MMP13: variants seen among roughly 807,000 people sequenced by gnomAD.
The protein encoded by MMP13 is matrix metallopeptidase 13.
In MMP13, 45 loss-of-function variants were observed where a neutral mutation model predicts 52.1. The ratio of observed to expected loss-of-function variants is 0.86; its 90% CI spans 0.68 to 1.11. The LOEUF is 1.11. MMP13 is among the 50% of genes least tolerant of loss of function. MMP13 has a pLI of 0.00. For missense variants in MMP13, 576 were observed against 583.8 expected (o/e 0.99, Z 0.14); for synonymous variants, 200 against 204.4 (o/e 0.98, Z 0.18).
In MMP13 at chr11:102,949,239, C is replaced by G. The variant is rs11824953; in HGVS notation, c.918-81G>C. 14,828 of 1,539,556 alleles carry G rather than the reference C, an allele frequency of 9.6e-3. 446 individuals are homozygous for G. The highest frequency in any genetic ancestry group is 0.08 in the East Asian group (3,437 of 42,784). On this transcript the variant is annotated intron_variant, in intron 6 of 9. Coordinates refer to ENST00000260302, the MANE Select transcript of MMP13 (RefSeq NM_002427.4). This position sits in a 1 kb window ranked among gnomAD's most constrained non-coding sequence, Gnocchi z 4.2. ...TCCTGCTAGTCACCTCTCTCCACAT[C>G]AACACAGACAAGTTAGATACAACCA...
Position 102,955,293 on chromosome 11 carries a change from G to C in MMP13, c.321C>G (p.Phe107Leu). The C allele has an allele frequency of 6.2e-7, 1 of 1,613,898 alleles. No individual in the cohort carries two copies. The change falls in exon 2 of 10, where the codon TTC becomes TTG. Residue 107 changes from phenylalanine to leucine, a missense_variant. Phe to Leu is a conservative substitution (Grantham distance 22). Coordinates refer to ENST00000260302, the MANE Select transcript of MMP13 (RefSeq NM_002427.4). The surrounding 1 kb of genome is among the most constrained non-coding windows in gnomAD (Gnocchi z 4.9). ...TTTTGGACCATTTAAGAGTTCGAGG[G>C]AAAACATTGTATTCACCCACATCAG... ...GVPDVGEYNV[F>L]PRTLKWSKMN...
rs549765413 is a variant in MMP13, at chr11:102,949,426, T to G, written c.918-268A>C. ...AGGTTGAAACAGTCTTGCTCAATTTTGGGTATCTTGCCAGGGGCAAGCAAA... is the reference window on the plus strand; with the variant it reads ...AGGTTGAAACAGTCTTGCTCAATTTGGGGTATCTTGCCAGGGGCAAGCAAA... On this transcript the variant is annotated intron_variant, in intron 6 of 9. Transcript: ENST00000260302. This position sits in a 1 kb window ranked among gnomAD's most constrained non-coding sequence, Gnocchi z 4.2. Among the ~76,000 whole-genome samples, 2 of 152,296 alleles carry G rather than the reference T, an allele frequency of 1.3e-5. No individual in the cohort carries two copies. Among genetic ancestry groups the G allele is most frequent in the South Asian group, 4.1e-4 (2 of 4,830 alleles).
At position 102,955,662 on chromosome 11, in the gene MMP13, G is replaced by C. The variant is rs1314708588; in HGVS notation, c.44C>G (p.Thr15Ser). The change falls in exon 1 of 10, where the codon ACT (threonine) becomes AGT (serine). Residue 15 changes from threonine to serine, a missense_variant. Thr to Ser is a moderately conservative substitution (Grantham distance 58). Transcript: ENST00000260302. This position sits in a 1 kb window ranked among gnomAD's most constrained non-coding sequence, Gnocchi z 4.9. ...VLAAFLFLSW[T>S]HCRALPLPSG... is the part of the protein sequence containing the mutation. ...GGGAAGGGGCAGGGCCCGACAATGAGTCCAGCTCAAGAAGAGGAAGGCAGC... is the reference window on the plus strand; with the variant it reads ...GGGAAGGGGCAGGGCCCGACAATGACTCCAGCTCAAGAAGAGGAAGGCAGC... 7 of 1,613,884 alleles carry C rather than the reference G, an allele frequency of 4.3e-6. No homozygotes were observed. The highest frequency in any genetic ancestry group is 5.9e-6 in the Non-Finnish European group (7 of 1,179,906).
At chr11:102,945,073 A>G (rs1426700112) in intron 9 of MMP13, 5 of 300,014 alleles carry the variant, frequency 1.7e-5, no homozygotes, top group African/African-American at 2.2e-5. Context: ...GCGAAACTCC[A>G]TCTCTACTAA....
intron 4 of MMP13, among the ~76,000 whole-genome samples, chr11:102,953,809 T>A (rs896243199): frequency 6.6e-6 from 1 of 152,212 alleles, no homozygotes; most frequent in African/African-American, 2.4e-5. Context: ...CTGGTAGTTT[T>A]TAGTTAGATA....
chr11:102,948,146 G>A, intron 7 of MMP13, 96 bp from the exon 8 acceptor site: 2 of 894,224 alleles, frequency 2.2e-6, no homozygotes, highest in South Asian at 1.6e-5. Flanking sequence ...CTTTTACATT[G>A]AGAAATATTA....
Position 102,950,099 on chromosome 11 carries a change from C to A in MMP13, c.917+11G>T, listed in dbSNP as rs781808044. 2 of 1,587,842 alleles carry A rather than the reference C, an allele frequency of 1.3e-6. No homozygotes were observed. The highest frequency in any genetic ancestry group is 3.3e-5 in the Admixed American group (2 of 59,966). ...TCGCATACAGACTTTATGAAAGAAT[C>A]TCAAGAGTACCTGTCTTTAAAGATC... On this transcript the variant is annotated intron_variant, in intron 6 of 9. Coordinates refer to ENST00000260302, the MANE Select transcript of MMP13 (RefSeq NM_002427.4).
In MMP13 at chr11:102,955,272, G is replaced by A. The variant is rs1860677589; in HGVS notation, c.342C>T (p.Ser114=). The A allele has an allele frequency of 6.2e-7, 1 of 1,613,634 alleles. No homozygotes were observed. Among genetic ancestry groups the A allele is most frequent in the Non-Finnish European group, 8.5e-7 (1 of 1,179,792 alleles). The change falls in exon 2 of 10, where the codon TCC becomes TCT. Residue 114 remains serine (S), a synonymous_variant. Transcript: ENST00000260302. This position sits in a 1 kb window ranked among gnomAD's most constrained non-coding sequence, Gnocchi z 4.9. The part of the protein sequence containing the change: ...YNVFPRTLKW[S]KMNLTYRIVN... ...TTTACCTGTAGGTTAAATTCATTTT[G>A]GACCATTTAAGAGTTCGAGGGAAAA...
At chr11:102,951,267 A>G (rs1371740941) in intron 5 of MMP13, among the ~76,000 whole-genome samples, 1 of 152,142 alleles carries the variant, frequency 6.6e-6, no homozygotes, top group East Asian at 1.9e-4. Context: ...TTGAAAGAGT[A>G]CTTGGAATTT....
Position 102,944,040 on chromosome 11 carries a change from G to T in MMP13, c.*226C>A. 2.0e-6 allele frequency: 1 copy of T among 489,974 alleles called. No homozygotes were observed. The allele number at this position is 489,974 out of a possible 1,614,324, so 30.4% of individuals were successfully genotyped here. ...AACCATTGCTTTTGTACAGCAACAA[G>T]AATCAGATGCTCTTTAGAGATCCTC... On this transcript the variant is annotated 3_prime_UTR_variant, in exon 10 of 10. Transcript: ENST00000260302.
Position 102,952,488 on chromosome 11 carries a change from G to A in MMP13, c.638-315C>T, listed in dbSNP as rs188324006. On this transcript the variant is annotated intron_variant, in intron 4 of 9. Coordinates refer to ENST00000260302, the MANE Select transcript of MMP13 (RefSeq NM_002427.4). The surrounding 1 kb of genome is among the most constrained non-coding windows in gnomAD (Gnocchi z 4.3). ...GAATACATTAGAACTCCTGATTTGCGCTTAGTATTCTCAGGTCAGGTGAGG... is the reference window on the plus strand; with the variant it reads ...GAATACATTAGAACTCCTGATTTGCACTTAGTATTCTCAGGTCAGGTGAGG... 4.6e-4 allele frequency among the ~76,000 whole-genome samples: 70 copies of A among 152,152 alleles called. No homozygotes were observed. The highest frequency in any genetic ancestry group is 1.5e-3 in the African/African-American group (64 of 41,508).
At position 102,955,520 on chromosome 11, in the gene MMP13, G is replaced by T; in HGVS notation, c.121-27C>A. 1 of 1,613,926 alleles carries T rather than the reference G, an allele frequency of 6.2e-7. No individual in the cohort carries two copies. Among genetic ancestry groups the T allele is most frequent in the South Asian group, 1.1e-5 (1 of 91,074 alleles). ...TAGAAAAGACACCAAAATGAACTGC[G>T]TTTAAAAGAGAAGGACATTTCTGAG... On this transcript the variant is annotated intron_variant, in intron 1 of 9. Coordinates refer to ENST00000260302, the MANE Select transcript of MMP13 (RefSeq NM_002427.4). The surrounding 1 kb of genome is among the most constrained non-coding windows in gnomAD (Gnocchi z 4.9).
In MMP13 at chr11:102,949,411, A is replaced by T. The variant is rs919770210; in HGVS notation, c.918-253T>A. On this transcript the variant is annotated intron_variant, in intron 6 of 9. Coordinates refer to ENST00000260302, the MANE Select transcript of MMP13 (RefSeq NM_002427.4). The surrounding 1 kb of genome is among the most constrained non-coding windows in gnomAD (Gnocchi z 4.2). ...CTCTGAGTTCTTTGCAGGTTGAAACAGTCTTGCTCAATTTTGGGTATCTTG... is the reference window on the plus strand; with the variant it reads ...CTCTGAGTTCTTTGCAGGTTGAAACTGTCTTGCTCAATTTTGGGTATCTTG... 2.6e-5 allele frequency among the ~76,000 whole-genome samples: 4 copies of T among 152,200 alleles called. No individual in the cohort carries two copies. The highest frequency in any genetic ancestry group is 4.4e-5 in the Non-Finnish European group (3 of 68,030).
At chr11:102,954,001 C>G (rs1186185440) in intron 4 of MMP13, among the ~76,000 whole-genome samples, 155 bp downstream of exon 4, 1 of 152,134 alleles carries the variant, frequency 6.6e-6, no homozygotes, top group Non-Finnish European at 1.5e-5. Context: ...AGAAATGTCA[C>G]TTGTAGAGAC....
At chr11:102,948,624 A>T in intron 7 of MMP13, among the ~76,000 whole-genome samples, 1 of 152,344 alleles carries the variant, frequency 6.6e-6, no homozygotes, top group East Asian at 1.9e-4. Context: ...GAAAATAAAT[A>T]TGTAAAAATT....
rs771778188 is a variant in MMP13 at position 102,955,689 on chromosome 11, A to G, written c.17T>C (p.Leu6Pro). MHPGV[L>P]AAFLFLSWTH... is the part of the protein sequence containing the mutation. Reference sequence around the variant, plus strand: ...CCAGCTCAAGAAGAGGAAGGCAGCCAGGACCCCTGGATGCATCTTGAATGG... The same window carrying G: ...CCAGCTCAAGAAGAGGAAGGCAGCCGGGACCCCTGGATGCATCTTGAATGG... The change falls in exon 1 of 10, where the codon CTG becomes CCG. Residue 6 changes from leucine to proline, a missense_variant. Leu to Pro is a moderately conservative substitution (Grantham distance 98, BLOSUM62 -3). Coordinates refer to ENST00000260302, the MANE Select transcript of MMP13 (RefSeq NM_002427.4). This position sits in a 1 kb window ranked among gnomAD's most constrained non-coding sequence, Gnocchi z 4.9. The G allele has an allele frequency of 1.2e-6, 2 of 1,613,874 alleles. No homozygotes were observed. The highest frequency in any genetic ancestry group is 1.7e-6 in the Non-Finnish European group (2 of 1,179,884).
In MMP13 at chr11:102,949,204, A is replaced by G. The variant is rs546152864; in HGVS notation, c.918-46T>C. ...AGTTTTCTGTCACATTTTTAAATGC[A>G]ATATTTCTATCCTGCTAGTCACCTC... is the stretch of plus-strand genomic sequence containing the variant. On this transcript the variant is annotated intron_variant, in intron 6 of 9. Transcript: ENST00000260302. This position sits in a 1 kb window ranked among gnomAD's most constrained non-coding sequence, Gnocchi z 4.2. 4 of 1,605,560 alleles carry G rather than the reference A, an allele frequency of 2.5e-6. No homozygotes were observed. Among genetic ancestry groups the G allele is most frequent in the Admixed American group, 3.3e-5 (2 of 59,708 alleles).
intron 8 of MMP13, 64 bp from the exon 9 acceptor site, chr11:102,945,813 CA>C: frequency 1.2e-6 from 1 of 810,952 alleles, no homozygotes; most frequent in Admixed American, 2.1e-5. Flanking sequence ...AGAAATAATA[CA>C]ATAGATACAA....
At chr11:102,950,567 C>A (rs1860595201) in intron 5 of MMP13, among the ~76,000 whole-genome samples, 1 of 152,144 alleles carries the variant, frequency 6.6e-6, no homozygotes, top group South Asian at 2.1e-4. Context: ...AAACTAGATT[C>A]CCCTTAAAGC....
Sources: allele counts gnomAD v4.1 joint callset (sites outside exome capture counted in the v4.1 genomes callset), GRCh38; gene constraint gnomAD v4.1.1; non-coding constraint Gnocchi (gnomAD v3.1); transcripts MANE v1.5; gene names NCBI Gene and HGNC (gene_info 2026-07-23, HGNC 2026-07-21).